The following PIEZO2 variants were observed in gnomAD, a reference collection of about 807,000 sequenced individuals.
PIEZO2 encodes the protein piezo type mechanosensitive ion channel component 2.
Under a neutral mutation model 337.3 loss-of-function variants are expected in PIEZO2, and 172 were observed. The observed-to-expected ratio is 0.51, with a 90% CI of 0.45 to 0.58. The LOEUF is 0.58. Ranked by LOEUF, PIEZO2 falls within the 20% of genes least tolerant of loss-of-function variation. PIEZO2 has a pLI of 0.00. For synonymous variants in PIEZO2, 1,251 were observed against 1,228.5 expected (o/e 1.02, Z -0.38); for missense variants, 3,028 against 3,391.3 (o/e 0.89, Z 2.66).
intron 1 of PIEZO2, among the ~76,000 whole-genome samples, chr18:11,066,593 G>T (rs1041506873): frequency 3.3e-5 from 5 of 152,262 alleles, no homozygotes; most frequent in African/African-American, 1.2e-4. Flanking sequence ...GACTATAAAA[G>T]TGCAGACTTT....
chr18:10,760,604 C>A (rs1183133576), intron 24 of PIEZO2, among the ~76,000 whole-genome samples: 13 of 152,168 alleles, frequency 8.5e-5, no homozygotes, highest in African/African-American at 3.1e-4. Flanking sequence ...CGTGCCCAGG[C>A]AGAAGATTAA....
chr18:10,999,242 C>A (rs1479752315), intron 2 of PIEZO2, among the ~76,000 whole-genome samples: 1 of 150,940 alleles, frequency 6.6e-6, no homozygotes. Context: ...ACCAAATCTG[C>A]GTAGAGTTTG....
chr18:11,141,649 G>A (rs1034702112), intron 1 of PIEZO2, among the ~76,000 whole-genome samples: 1 of 152,206 alleles, frequency 6.6e-6, no homozygotes, highest in Non-Finnish European at 1.5e-5. Context: ...CAAATGTGCA[G>A]GCTAAGGAGC....
Position 10,979,977 on chromosome 18 carries a change from T to C in PIEZO2, c.161-317A>G, listed in dbSNP as rs2034602602. On this transcript the variant is annotated intron_variant, in intron 2 of 55. Transcript: ENST00000674853. This position sits in a 1 kb window ranked among gnomAD's most constrained non-coding sequence, Gnocchi z 4.0. ...TTTTACAAGGAAGTGCTGCCAACTT[T>C]GAAGGGACAGATAACTCCTGTCTTA... Among the ~76,000 whole-genome samples the C allele has an allele frequency of 1.3e-5, 2 of 152,178 alleles. No homozygotes were observed. Among genetic ancestry groups the C allele is most frequent in the South Asian group, 4.1e-4 (2 of 4,822 alleles).
At chr18:10,838,355 G>A (rs2041085007) in intron 7 of PIEZO2, among the ~76,000 whole-genome samples, 1 of 152,048 alleles carries the variant, frequency 6.6e-6, no homozygotes, top group Admixed American at 6.6e-5. Flanking sequence ...TTGTGTGTGA[G>A]CAAATTGTAA....
At position 10,830,459 on chromosome 18, in the gene PIEZO2, C is replaced by G. The variant is rs552608174; in HGVS notation, c.918-23185G>C. Among the ~76,000 whole-genome samples the G allele has an allele frequency of 4.4e-4, 66 of 151,538 alleles. No individual in the cohort carries two copies. Among genetic ancestry groups the G allele is most frequent in the Non-Finnish European group, 8.1e-4 (55 of 67,936 alleles). ...TTTATTGAAGAGACTGTCCTTTCCC[C>G]CCTTTTATGCCTCTGGTTGCACTTG... On this transcript the variant is annotated intron_variant, in intron 7 of 55. Coordinates refer to ENST00000674853, the MANE Select transcript of PIEZO2 (RefSeq NM_001378183.1). The surrounding 1 kb of genome is among the most constrained non-coding windows in gnomAD (Gnocchi z 4.7).
At chr18:11,056,732 G>T (rs2037744490) in intron 2 of PIEZO2, among the ~76,000 whole-genome samples, 2 of 152,120 alleles carry the variant, frequency 1.3e-5, no homozygotes, top group Admixed American at 1.3e-4. Flanking sequence ...AGAAGGTCCA[G>T]AAATGGCTCT....
In PIEZO2 at chr18:10,993,402, GAGAGTTTTT is replaced by G. The variant is rs2035181945; in HGVS notation, c.161-13751_161-13743del. On this transcript the variant is annotated intron_variant, in intron 2 of 55. Transcript: ENST00000674853. The surrounding 1 kb of genome is among the most constrained non-coding windows in gnomAD (Gnocchi z 5.0). ...GCGTTCTATTGATACCTAGTTTATT[GAGAGTTTTT>G]AGCATGAAGGGGTGTTGAATTTTGT... Among the ~76,000 whole-genome samples the G allele has an allele frequency of 6.6e-6, 1 of 152,138 alleles. No homozygotes were observed. The highest frequency in any genetic ancestry group is 1.5e-5 in the Non-Finnish European group (1 of 68,020).
rs569664676 is a variant in PIEZO2 at position 11,116,436 on chromosome 18, G to A, written c.64+32089C>T. Among the ~76,000 whole-genome samples the A allele has an allele frequency of 1.2e-4, 18 of 152,220 alleles. No homozygotes were observed. The South Asian group carries it at 1.9e-3, about 16-fold the overall frequency. Reference sequence around the variant, plus strand: ...TGTGAAAGAATGAAATTTGCAGGCCGGGCGCGGTGGCTCACGCCTGTAAAC... The same window carrying A: ...TGTGAAAGAATGAAATTTGCAGGCCAGGCGCGGTGGCTCACGCCTGTAAAC... On this transcript the variant is annotated intron_variant, in intron 1 of 55. Coordinates refer to ENST00000674853, the MANE Select transcript of PIEZO2 (RefSeq NM_001378183.1). This position sits in a 1 kb window ranked among gnomAD's most constrained non-coding sequence, Gnocchi z 5.0.
At position 10,757,993 on chromosome 18, in the gene PIEZO2, G is replaced by T; in HGVS notation, c.3899C>A (p.Pro1300His). The T allele has an allele frequency of 6.5e-7, 1 of 1,536,804 alleles. No individual in the cohort carries two copies. The highest frequency in any genetic ancestry group is 8.7e-7 in the Non-Finnish European group (1 of 1,146,684). Residue 1300 changes from proline to histidine, a missense_variant, in exon 27 of 56, where the codon CCT becomes CAT. Physicochemically the swap from Pro to His is moderately conservative, Grantham distance 77 (BLOSUM62 -2). This residue lies in a region of PIEZO2 where 1,925 missense variants were observed against 2,051.9 expected (regional missense o/e 0.94). Transcript: ENST00000674853. ...LDAASFSQHN[P>H]VPDFIHCRSY... is the part of the protein sequence containing the mutation. The stretch of plus-strand genomic sequence containing the variant: ...CCTGCAGTGAATAAAATCTGGCACA[G>T]GGTTATGTTGGCTGAAGGAGGCCGC...
At chr18:11,113,041 G>A (rs79229609) in intron 1 of PIEZO2, among the ~76,000 whole-genome samples, 11,612 of 152,246 alleles carry the variant, frequency 0.076, 625 homozygotes, top group African/African-American at 0.14. Context: ...AAGAACTGTG[G>A]ACTTGAACTG....
intron 2 of PIEZO2, among the ~76,000 whole-genome samples, chr18:11,005,872 C>T (rs1283430674): frequency 6.6e-6 from 1 of 152,232 alleles, no homozygotes; most frequent in African/African-American, 2.4e-5. Flanking sequence ...ACGCAAAGAG[C>T]AGTGACTCAT....
At chr18:10,946,541 T>C (rs889377526) in intron 3 of PIEZO2, among the ~76,000 whole-genome samples, 1 of 152,116 alleles carries the variant, frequency 6.6e-6, no homozygotes, top group Non-Finnish European at 1.5e-5. Flanking sequence ...GGCAATGAGA[T>C]GGTGAGAGAC....
In PIEZO2 at chr18:10,716,235, A is replaced by G. The variant is rs2036006151; in HGVS notation, c.5090-419T>C. Among the ~76,000 whole-genome samples, 1 of 152,162 alleles carries G rather than the reference A, an allele frequency of 6.6e-6. No homozygotes were observed. Among genetic ancestry groups the G allele is most frequent in the Non-Finnish European group, 1.5e-5 (1 of 68,034 alleles). ...GCTGCCTCTGCCACCCCTAATACAGAAAAACCAACCCCTCTTCTTCCTCCT... is the reference window on the plus strand; with the variant it reads ...GCTGCCTCTGCCACCCCTAATACAGGAAAACCAACCCCTCTTCTTCCTCCT... On this transcript the variant is annotated intron_variant, in intron 37 of 55. Coordinates refer to ENST00000674853, the MANE Select transcript of PIEZO2 (RefSeq NM_001378183.1). This position sits in a 1 kb window ranked among gnomAD's most constrained non-coding sequence, Gnocchi z 4.1.
intron 3 of PIEZO2, among the ~76,000 whole-genome samples, chr18:10,944,511 GTAACAGATATAT>G (rs2032909403): frequency 5.3e-5 from 1 of 18,846 alleles, no homozygotes; most frequent in South Asian, 9.9e-4. Context: ...ATATATCTTA[GTAACAGATATAT>G]ATATATATAT....
intron 3 of PIEZO2, among the ~76,000 whole-genome samples, chr18:10,913,145 T>G (rs1188803076): frequency 6.6e-6 from 1 of 152,202 alleles, no homozygotes; most frequent in South Asian, 2.1e-4. Flanking sequence ...CACATAATAA[T>G]TGCACATATT....
At chr18:10,936,722 C>T (rs1199783730) in intron 3 of PIEZO2, among the ~76,000 whole-genome samples, 1 of 152,092 alleles carries the variant, frequency 6.6e-6, no homozygotes, top group Non-Finnish European at 1.5e-5. Context: ...AAAACATAGC[C>T]CAGTGGAATA....
intron 36 of PIEZO2, among the ~76,000 whole-genome samples, chr18:10,730,057 T>C (rs545667100): frequency 6.6e-6 from 1 of 152,370 alleles, no homozygotes; most frequent in Middle Eastern, 3.4e-3. Flanking sequence ...TGATGAATGC[T>C]CTTAGACATG....
intron 3 of PIEZO2, among the ~76,000 whole-genome samples, chr18:10,978,867 A>C (rs955575392): frequency 6.6e-6 from 1 of 152,242 alleles, no homozygotes; most frequent in East Asian, 1.9e-4. Flanking sequence ...TTCAAGTAAC[A>C]ATCACACATC....
Sources: allele counts gnomAD v4.1 joint callset (sites outside exome capture counted in the v4.1 genomes callset), GRCh38; gene constraint gnomAD v4.1.1; regional missense constraint gnomAD v4.1.1; non-coding constraint Gnocchi (gnomAD v3.1); transcripts MANE v1.5; gene names NCBI Gene and HGNC (gene_info 2026-07-23, HGNC 2026-07-21).